PBRM1: variants seen among roughly 807,000 people sequenced by gnomAD.
The protein encoded by PBRM1 is polybromo 1, also known as protein polybromo-1.
In PBRM1, 27 loss-of-function variants were observed where a neutral mutation model predicts 194.5. The ratio of observed to expected loss-of-function variants is 0.14; its 90% CI spans 0.10 to 0.19. The LOEUF is 0.19. Among genes scored for constraint, PBRM1 ranks in the 10% least tolerant of loss-of-function variants. PBRM1 has a pLI of 1.00. For synonymous variants in PBRM1, 655 were observed against 693.2 expected (o/e 0.94, Z 0.87); for missense variants, 1,466 against 2,077.2 (o/e 0.71, Z 5.72).
intron 22 of PBRM1, among the ~76,000 whole-genome samples, chr3:52,576,214 CA>C (rs1006913740): frequency 1.3e-5 from 2 of 151,510 alleles, no homozygotes; most frequent in Non-Finnish European, 2.9e-5. Context: ...AAGACATGAA[CA>C]AAAAAAACTA....
chr3:52,604,053 G>A (rs2094178934), intron 16 of PBRM1, among the ~76,000 whole-genome samples: 2 of 152,172 alleles, frequency 1.3e-5, no homozygotes, highest in Admixed American at 1.3e-4. Context: ...GTGGCTGCCA[G>A]AACCAAGAAT....
At chr3:52,547,294 C>T, downstream of PBRM1, 1 of 233,118 alleles carries the variant, frequency 4.3e-6, no homozygotes, top group Non-Finnish European at 8.5e-6. Flanking sequence ...CTGCAAAAAT[C>T]ACTGACACCA....
chr3:52,615,223 C>T (rs1288326666), intron 15 of PBRM1, 128 bp downstream of exon 17: 1 of 582,950 alleles, frequency 1.7e-6, no homozygotes, highest in Non-Finnish European at 3.0e-6. Context: ...TTGACAAGAA[C>T]AAAGAACTCC....
At chr3:52,625,208 G>A (rs966650645) in intron 13 of PBRM1, among the ~76,000 whole-genome samples, 4 of 152,142 alleles carry the variant, frequency 2.6e-5, no homozygotes, top group African/African-American at 9.7e-5. Flanking sequence ...GCACTTAGAA[G>A]TCAAGTCAAG....
intron 10 of PBRM1, among the ~76,000 whole-genome samples, chr3:52,635,832 A>G (rs1308797636): frequency 6.6e-6 from 1 of 152,034 alleles, no homozygotes; most frequent in Non-Finnish European, 1.5e-5. Flanking sequence ...AGATAGTATA[A>G]ATTTAGATTG....
chr3:52,643,574 G>A (rs1301980830), intron 8 of PBRM1, among the ~76,000 whole-genome samples: 1 of 152,192 alleles, frequency 6.6e-6, no homozygotes, highest in Non-Finnish European at 1.5e-5. Context: ...AGAGGACCTG[G>A]TACTGAAACA....
intron 22 of PBRM1, among the ~76,000 whole-genome samples, chr3:52,571,854 CCCAAAAAAAAAAA>C (rs779567438): frequency 0.041 from 1,493 of 36,598 alleles, 28 homozygotes; most frequent in South Asian, 0.13. Context: ...ACCTCATCTC[CCCAAAAAAAAAAA>C]AAAAAAAAAA....
chr3:52,672,271 C>T (rs1306833321), intron 2 of PBRM1, among the ~76,000 whole-genome samples: 1 of 152,134 alleles, frequency 6.6e-6, no homozygotes, highest in Non-Finnish European at 1.5e-5. Context: ...CATTTAAGGA[C>T]CCTTGTGATT....
chr3:52,667,042 C>T (rs950466600), intron 3 of PBRM1, among the ~76,000 whole-genome samples: 5 of 152,068 alleles, frequency 3.3e-5, no homozygotes, highest in East Asian at 1.9e-4. Context: ...TGCGAACAAA[C>T]GCAGAGAGAA....
chr3:52,625,932 A>G (rs540529874), intron 13 of PBRM1, among the ~76,000 whole-genome samples: 3 of 152,206 alleles, frequency 2.0e-5, no homozygotes, highest in African/African-American at 7.2e-5. Flanking sequence ...CAGGTATGTA[A>G]TTTTCGAGTA....
chr3:52,678,640 C>T (rs752725711), intron 1 of PBRM1, 43 bp from the exon 3 acceptor site: 4 of 1,229,000 alleles, frequency 3.3e-6, no homozygotes, highest in Non-Finnish European at 4.8e-6. Flanking sequence ...AAAAAGTGAA[C>T]AGAAAGCCAG....
chr3:52,643,661 A>G (rs1480774902), intron 8 of PBRM1, among the ~76,000 whole-genome samples: 1 of 152,114 alleles, frequency 6.6e-6, no homozygotes, highest in Non-Finnish European at 1.5e-5. Context: ...GCAATCCTAG[A>G]ACTAAGACTA....
intron 27 of PBRM1, 60 bp from the exon 30 acceptor site, chr3:52,550,877 ACTGT>A: frequency 9.4e-7 from 1 of 1,069,294 alleles, no homozygotes; most frequent in Non-Finnish European, 1.4e-6. Flanking sequence ...CTGAAAAACT[ACTGT>A]CTGATAAGAA....
intron 13 of PBRM1, among the ~76,000 whole-genome samples, chr3:52,623,369 G>A (rs1255662872): frequency 1.3e-5 from 2 of 152,206 alleles, no homozygotes; most frequent in African/African-American, 4.8e-5. Flanking sequence ...AGGCTTTAAG[G>A]TGTCCCAGCA....
At chr3:52,628,292 C>T (rs2095507746) in intron 12 of PBRM1, among the ~76,000 whole-genome samples, 1 of 151,266 alleles carries the variant, frequency 6.6e-6, no homozygotes, top group African/African-American at 2.4e-5. Flanking sequence ...AGGGACCAAT[C>T]CCTGCTTCCT....
In PBRM1 at chr3:52,668,657, T is replaced by A. The variant is rs1316686909; in HGVS notation, c.237-12A>T. The A allele has an allele frequency of 2.7e-6, 4 of 1,496,946 alleles. No individual in the cohort carries two copies. Among genetic ancestry groups the A allele is most frequent in the African/African-American group, 1.4e-5 (1 of 69,352 alleles). 92.7% of individuals were successfully genotyped at this position (1,496,946 alleles called of 1,614,324 possible). A position where few individuals can be genotyped will look rare whatever the true frequency, so the allele number is the denominator to read the frequency against. On this transcript the variant is annotated splice_polypyrimidine_tract_variant and intron_variant, in intron 2 of 29. Coordinates refer to ENST00000296302, the Ensembl canonical transcript of PBRM1. ...AGTCTGGTTGATTTCTGTTATAATT[T>A]AAATTTTTTTAAAGGAGATTAATCT... is the stretch of plus-strand genomic sequence containing the variant.
chr3:52,638,222 A>G (rs1030331545), intron 10 of PBRM1, among the ~76,000 whole-genome samples: 7 of 152,182 alleles, frequency 4.6e-5, no homozygotes, highest in Admixed American at 3.3e-4. Flanking sequence ...TGTCTAGGTT[A>G]TATTAGATTC....
chr3:52,600,391 T>C (rs1452737910), intron 17 of PBRM1, among the ~76,000 whole-genome samples: 3 of 152,254 alleles, frequency 2.0e-5, no homozygotes, highest in East Asian at 3.8e-4. Flanking sequence ...ACTGAGTTAT[T>C]ACTATTTCAA....
chr3:52,675,228 A>G (rs1164934261), intron 2 of PBRM1, among the ~76,000 whole-genome samples: 1 of 152,214 alleles, frequency 6.6e-6, no homozygotes, highest in Non-Finnish European at 1.5e-5. Context: ...GTAATAAAAA[A>G]TCTCCCACAA....
Sources: gnomAD v4.1 joint callset for allele counts (sites outside exome capture counted in the v4.1 genomes callset) on GRCh38, gnomAD v4.1.1 for gene constraint, MANE v1.5 for transcripts, NCBI Gene and HGNC (gene_info 2026-07-23, HGNC 2026-07-21) for gene names.